Variants in UNC79 observed in about 807,000 individuals in gnomAD.
UNC79 encodes the protein protein unc-79 homolog.
In UNC79, 37 loss-of-function variants were observed where a neutral mutation model predicts 283.1. That is an observed-to-expected ratio of 0.13 (90% confidence interval 0.10 to 0.17). The LOEUF is 0.17. UNC79 is among the 10% of genes least tolerant of loss of function. The pLI is 1.00. For synonymous variants in UNC79, 1,107 were observed against 1,200.2 expected (o/e 0.92, Z 1.61); for missense variants, 2,272 against 3,211.1 (o/e 0.71, Z 7.07).
At chr14:93,512,271 C>T (rs2059861206) in intron 7 of UNC79, among the ~76,000 whole-genome samples, 1 of 152,038 alleles carries the variant, frequency 6.6e-6, no homozygotes, top group East Asian at 1.9e-4. Flanking sequence ...GTAATTGTAC[C>T]TCTGAATGTA....
intron 1 of UNC79, chr14:93,334,408 G>C (rs2053529137): frequency 6.6e-6 from 1 of 152,184 alleles, no homozygotes; most frequent in Non-Finnish European, 1.5e-5. Flanking sequence ...TTCCCCTCTA[G>C]CTGGTAAGGG....
At chr14:93,459,063 C>A (rs1396836091) in intron 1 of UNC79, among the ~76,000 whole-genome samples, 2 of 152,244 alleles carry the variant, frequency 1.3e-5, no homozygotes, top group Non-Finnish European at 2.9e-5. Flanking sequence ...GTGATCTCAG[C>A]TCACTGCAAC....
In UNC79 at chr14:93,477,867, T is replaced by A. The variant is rs1016705266; in HGVS notation, c.619+139T>A. 8.1e-5 allele frequency: 66 copies of A among 818,458 alleles called. No homozygotes were observed. In the Middle Eastern group the frequency reaches 1.5e-3, roughly 18 times the overall value. 50.7% of individuals were successfully genotyped at this position (818,458 alleles called of 1,614,324 possible). On this transcript the variant is annotated intron_variant, in intron 4 of 48. Transcript: ENST00000555664. ...TACAGGAGCTATGATTTCAATTCAGTCACTTTAGCATGGATATTATGGCGA... is the reference window on the plus strand; with the variant it reads ...TACAGGAGCTATGATTTCAATTCAGACACTTTAGCATGGATATTATGGCGA...
In UNC79 at chr14:93,402,276, CA is replaced by C. The variant is rs1232880016; in HGVS notation, c.-350-65377del. ...TGAGTGACAGAGTGAGACTCTGTCT[CA>C]AAAAAAAAAAAAAAAAAGAAAAGAA... On this transcript the variant is annotated intron_variant, in intron 1 of 49. Coordinates refer to the UNC79 transcript ENST00000256339. Among the ~76,000 whole-genome samples the C allele has an allele frequency of 4.8e-3, 314 of 64,992 alleles. 1 individual carries two copies. The highest frequency in any genetic ancestry group is 0.017 in the African/African-American group (282 of 16,300). The allele number at this position is 64,992 out of a possible 152,430, so 42.6% of individuals were successfully genotyped here.
chr14:93,393,421 A>G (rs1486029984), intron 1 of UNC79, among the ~76,000 whole-genome samples: 2 of 152,202 alleles, frequency 1.3e-5, no homozygotes, highest in African/African-American at 2.4e-5. Flanking sequence ...ACTAAAGGTT[A>G]CAGTTCTCCA....
intron 1 of UNC79, among the ~76,000 whole-genome samples, chr14:93,462,923 C>T (rs73343991): frequency 6.6e-6 from 1 of 152,210 alleles, no homozygotes; most frequent in African/African-American, 2.4e-5. Flanking sequence ...TTATTCACAA[C>T]AGCTACCCAC....
intron 3 of UNC79, among the ~76,000 whole-genome samples, chr14:93,477,279 A>G (rs2057856861): frequency 6.6e-6 from 1 of 152,228 alleles, no homozygotes; most frequent in Non-Finnish European, 1.5e-5. Flanking sequence ...AGAATGTAGT[A>G]ATACAAATAC....
chr14:93,526,853 A>G (rs1474841638), intron 8 of UNC79, among the ~76,000 whole-genome samples: 1 of 152,184 alleles, frequency 6.6e-6, no homozygotes, highest in Admixed American at 6.5e-5. Flanking sequence ...ATGACTCACT[A>G]AAAAAGAGGG....
At chr14:93,520,512 T>G (rs1209589505) in intron 7 of UNC79, among the ~76,000 whole-genome samples, 1 of 151,936 alleles carries the variant, frequency 6.6e-6, no homozygotes, top group African/African-American at 2.4e-5. Context: ...TTTTGTGCTT[T>G]AAATCACATG....
chr14:93,617,336 C>T lies in UNC79; in HGVS notation c.4224+32C>T. ...TGGGTGGTCACTGCTGTTTTGGATG[C>T]AATGGTTCTCTTAGAGAGCATATAG... is the stretch of plus-strand genomic sequence containing the variant. On this transcript the variant is annotated intron_variant, in intron 28 of 48. Transcript: ENST00000555664. This position sits in a 1 kb window ranked among gnomAD's most constrained non-coding sequence, Gnocchi z 4.5. 6.2e-7 allele frequency: 1 copy of T among 1,608,506 alleles called. No homozygotes were observed. Among genetic ancestry groups the T allele is most frequent in the Non-Finnish European group, 8.5e-7 (1 of 1,176,680 alleles).
At chr14:93,444,849 T>G (rs1429114093) in intron 1 of UNC79, among the ~76,000 whole-genome samples, 1 of 152,224 alleles carries the variant, frequency 6.6e-6, no homozygotes, top group African/African-American at 2.4e-5. Context: ...TAAAGTCCTT[T>G]GCTTTCTATG....
rs192717507 is a variant in UNC79, at chr14:93,563,754, A to T, written c.1756-8140A>T. 7.3e-4 allele frequency among the ~76,000 whole-genome samples: 111 copies of T among 152,272 alleles called. 1 individual carries two copies. In the East Asian group the frequency reaches 0.015, roughly 20 times the overall value. On this transcript the variant is annotated intron_variant, in intron 14 of 48. Coordinates refer to ENST00000555664, the Ensembl canonical transcript of UNC79. ...AATGTCAGGTAGATCAGAGAGATAT[A>T]GTCATGGGGGTCAGGTGTAGTATCC...
intron 4 of UNC79, 122 bp from the exon 5 acceptor site, chr14:93,487,541 C>T (rs1001278322): frequency 4.3e-6 from 3 of 698,820 alleles, no homozygotes; most frequent in Non-Finnish European, 2.3e-6. Flanking sequence ...TGCAAAACTT[C>T]CATTAGCTTT....
rs565832460 is a variant in UNC79 at position 93,584,058 on chromosome 14, C to T, written c.2803+1714C>T. Among the ~76,000 whole-genome samples, 7 of 152,220 alleles carry T rather than the reference C, an allele frequency of 4.6e-5. No individual in the cohort carries two copies. In the East Asian group the frequency reaches 5.8e-4, roughly 13 times the overall value. ...CTAGACTCAAGTGATCCACCCGTCT[C>T]GGCCTCCCAAAGAGCTAGGATTACA... is the stretch of plus-strand genomic sequence containing the variant. On this transcript the variant is annotated intron_variant, in intron 20 of 48. Transcript: ENST00000555664.
At chr14:93,707,832 C>T (rs1434125941), downstream of UNC79, 1 of 152,160 alleles carries the variant, frequency 6.6e-6, no homozygotes, top group Non-Finnish European at 1.5e-5. Context: ...ACTTACTACA[C>T]ATTTAAACTG....
chr14:93,707,810 GACTA>G (rs1354986088), downstream of UNC79: 1 of 152,216 alleles, frequency 6.6e-6, no homozygotes. Context: ...GTAATGCACT[GACTA>G]ACAGAAGACT....
intron 5 of UNC79, among the ~76,000 whole-genome samples, chr14:93,488,433 A>T (rs1289695205): frequency 6.6e-6 from 1 of 152,014 alleles, no homozygotes; most frequent in Admixed American, 6.6e-5. Flanking sequence ...ATGTGCTAAC[A>T]TGTAAACTCA....
chr14:93,447,375 T>C (rs1474315714), intron 1 of UNC79, among the ~76,000 whole-genome samples: 1 of 152,184 alleles, frequency 6.6e-6, no homozygotes, highest in Non-Finnish European at 1.5e-5. Flanking sequence ...TTATTTAAAA[T>C]ATAGAAATCT....
intron 1 of UNC79, among the ~76,000 whole-genome samples, chr14:93,365,384 CAAAA>C (rs34673069): frequency 1.5e-3 from 165 of 108,254 alleles, no homozygotes; most frequent in African/African-American, 3.9e-3. Flanking sequence ...TACTCCATCT[CAAAA>C]AAAAAAAAAA....
Sources: gnomAD v4.1 joint callset for allele counts (sites outside exome capture counted in the v4.1 genomes callset) on GRCh38, gnomAD v4.1.1 for gene constraint, Gnocchi (gnomAD v3.1) non-coding constraint, MANE v1.5 for transcripts, NCBI Gene and HGNC (gene_info 2026-07-23, HGNC 2026-07-21) for gene names.